Variants in SLC35F1 observed in about 807,000 individuals in gnomAD.
SLC35F1 encodes the protein solute carrier family 35 member F1, also known as chromosome 6 open reading frame 169.
In SLC35F1, 14 loss-of-function variants were observed where a neutral mutation model predicts 48.7. The ratio of observed to expected loss-of-function variants is 0.29; its 90% CI spans 0.19 to 0.45. SLC35F1 has a LOEUF of 0.45. Among genes scored for constraint, SLC35F1 ranks in the 20% least tolerant of loss-of-function variants. The probability of loss-of-function intolerance (pLI) is 1.00; values close to 1 mark genes in which losing one functional copy is unlikely to be tolerated. For synonymous variants in SLC35F1, 190 were observed against 202.2 expected (o/e 0.94, Z 0.51); for missense variants, 404 against 500.0 (o/e 0.81, Z 1.83).
At chr6:118,015,177 C>A (rs1021092554) in intron 1 of SLC35F1, among the ~76,000 whole-genome samples, 1 of 152,120 alleles carries the variant, frequency 6.6e-6, no homozygotes, top group African/African-American at 2.4e-5. Flanking sequence ...ACTGTGAGTT[C>A]ATTAAACCTC....
intron 2 of SLC35F1, among the ~76,000 whole-genome samples, chr6:118,183,765 A>G (rs948138428): frequency 6.6e-6 from 1 of 152,206 alleles, no homozygotes; most frequent in Non-Finnish European, 1.5e-5. Context: ...GGTCTACAAC[A>G]GACTCTGCAA....
At chr6:118,049,072 C>G (rs914754843) in intron 1 of SLC35F1, among the ~76,000 whole-genome samples, 1 of 152,038 alleles carries the variant, frequency 6.6e-6, no homozygotes. Context: ...TATCTACAAC[C>G]ATCTGATCTT....
intron 1 of SLC35F1, among the ~76,000 whole-genome samples, chr6:117,925,274 T>C (rs989340585): frequency 1.3e-5 from 2 of 152,088 alleles, no homozygotes; most frequent in Admixed American, 1.3e-4. Flanking sequence ...TACAACCAGA[T>C]TGAAGATAAA....
intron 2 of SLC35F1, among the ~76,000 whole-genome samples, chr6:118,190,197 G>A (rs948313234): frequency 6.6e-6 from 1 of 152,128 alleles, no homozygotes; most frequent in African/African-American, 2.4e-5. Flanking sequence ...GGAACCCACT[G>A]GGAAACAGTA....
At chr6:118,310,112 T>C (rs147544263) in intron 7 of SLC35F1, among the ~76,000 whole-genome samples, 2 of 152,334 alleles carry the variant, frequency 1.3e-5, no homozygotes, top group East Asian at 1.9e-4. Flanking sequence ...GGAAAAACTA[T>C]GTCTGCGGCA....
At chr6:118,182,252 G>T (rs1193093608) in intron 2 of SLC35F1, among the ~76,000 whole-genome samples, 2 of 152,022 alleles carry the variant, frequency 1.3e-5, no homozygotes, top group Admixed American at 6.6e-5. Context: ...TTGGGAAGCT[G>T]AGGTGGGTGG....
chr6:118,275,454 C>G lies in SLC35F1; in HGVS notation c.638-5C>G. The G allele has an allele frequency of 6.2e-7, 1 of 1,607,696 alleles. No individual in the cohort carries two copies. The highest frequency in any genetic ancestry group is 1.7e-4 in the Middle Eastern group (1 of 6,020). Reference sequence around the variant, plus strand: ...CCTCTGTTTGTTTGTTTGGTTGGTTCCTAGGGGAAAATAAGCTGGTAGGGG... The same window carrying G: ...CCTCTGTTTGTTTGTTTGGTTGGTTGCTAGGGGAAAATAAGCTGGTAGGGG... On this transcript the variant is annotated splice_polypyrimidine_tract_variant and splice_region_variant and intron_variant, in intron 4 of 7. Coordinates refer to ENST00000360388, the MANE Select transcript of SLC35F1 (RefSeq NM_001029858.4).
chr6:118,105,224 T>A (rs1248379622), intron 1 of SLC35F1, among the ~76,000 whole-genome samples: 2 of 152,154 alleles, frequency 1.3e-5, no homozygotes, highest in Non-Finnish European at 1.5e-5. Context: ...CTACTTCCCA[T>A]TCCTGCTCAT....
chr6:118,042,045 T>C (rs927635644), intron 1 of SLC35F1, among the ~76,000 whole-genome samples: 7 of 152,198 alleles, frequency 4.6e-5, no homozygotes, highest in African/African-American at 1.7e-4. Context: ...TGTTGAACTC[T>C]TAGCCCATTT....
chr6:118,015,282 G>A (rs545694801), intron 1 of SLC35F1, among the ~76,000 whole-genome samples: 2 of 152,102 alleles, frequency 1.3e-5, no homozygotes, highest in South Asian at 2.1e-4. Context: ...TTGATCCTCC[G>A]GAGAGATTGT....
intron 7 of SLC35F1, among the ~76,000 whole-genome samples, chr6:118,303,008 T>C (rs755314779): frequency 6.6e-6 from 1 of 151,266 alleles, no homozygotes; most frequent in Non-Finnish European, 1.5e-5. Flanking sequence ...AAACCCATAA[T>C]ATGATTTCTT....
intron 1 of SLC35F1, among the ~76,000 whole-genome samples, chr6:118,115,514 T>C (rs536396537): frequency 6.6e-6 from 1 of 152,318 alleles, no homozygotes; most frequent in African/African-American, 2.4e-5. Flanking sequence ...AATTGTCTTT[T>C]GGGGGGTTTC....
intron 1 of SLC35F1, among the ~76,000 whole-genome samples, chr6:118,011,107 A>G (rs1350336943): frequency 1.3e-5 from 2 of 152,162 alleles, no homozygotes; most frequent in African/African-American, 4.8e-5. Context: ...GTTTTGTGGT[A>G]GACAGTTTTT....
rs1311369629 is a variant in SLC35F1, at chr6:118,297,639, A to ATAT, written c.1002+12301_1002+12302insTAT. Among the ~76,000 whole-genome samples the ATAT allele has an allele frequency of 9.1e-5, 11 of 120,870 alleles. 1 individual carries two copies. The highest frequency in any genetic ancestry group is 4.0e-4 in the African/African-American group (11 of 27,514). The allele number at this position is 120,870 out of a possible 152,430, so 79.3% of individuals were successfully genotyped here. The stretch of plus-strand genomic sequence containing the variant: ...CTCAGAACTTATATATATATATATA[A>ATAT]AAAATATATATATAATATATATAAT... On this transcript the variant is annotated intron_variant, in intron 7 of 7. Coordinates refer to ENST00000360388, the MANE Select transcript of SLC35F1 (RefSeq NM_001029858.4).
At chr6:117,950,599 G>A (rs1776351408) in intron 1 of SLC35F1, among the ~76,000 whole-genome samples, 1 of 152,162 alleles carries the variant, frequency 6.6e-6, no homozygotes, top group South Asian at 2.1e-4. Flanking sequence ...AAAGATGGAT[G>A]TGAATGACAA....
chr6:117,928,610 A>G (rs900374237), intron 1 of SLC35F1, among the ~76,000 whole-genome samples: 1 of 152,196 alleles, frequency 6.6e-6, no homozygotes, highest in African/African-American at 2.4e-5. Context: ...AATTAGATGT[A>G]TGCCAGAAGT....
chr6:118,045,818 G>C (rs1342930709), intron 1 of SLC35F1, among the ~76,000 whole-genome samples: 1 of 152,174 alleles, frequency 6.6e-6, no homozygotes, highest in African/African-American at 2.4e-5. Flanking sequence ...ATTCTCACAT[G>C]CTTTGGATAA....
chr6:118,125,378 G>GT (rs938012859), intron 1 of SLC35F1, among the ~76,000 whole-genome samples: 5 of 52,338 alleles, frequency 9.6e-5, no homozygotes, highest in Non-Finnish European at 1.9e-4. Flanking sequence ...TGGTATTTTG[G>GT]GGGGGGGGAT....
At position 118,099,559 on chromosome 6, in the gene SLC35F1, G is replaced by A. The variant is rs374145806; in HGVS notation, c.174-54886G>A. Among the ~76,000 whole-genome samples, 6 of 150,084 alleles carry A rather than the reference G, an allele frequency of 4.0e-5. No individual in the cohort carries two copies. The East Asian group carries it at 9.9e-4, about 25-fold the overall frequency. ...CCCCCAAGAATTCCTATACTCAGTG[G>A]TTACCACTGACTCTCAGAGCCTGAA... On this transcript the variant is annotated intron_variant, in intron 1 of 7. Transcript: ENST00000360388.
Sources: allele counts gnomAD v4.1 joint callset (sites outside exome capture counted in the v4.1 genomes callset), GRCh38; gene constraint gnomAD v4.1.1; transcripts MANE v1.5; gene names NCBI Gene and HGNC (gene_info 2026-07-23, HGNC 2026-07-21).